Variants in CFAP100 observed in about 807,000 individuals in gnomAD.
The protein encoded by CFAP100 is cilia- and flagella-associated protein 100.
In CFAP100, 70 loss-of-function variants were observed where a neutral mutation model predicts 81.5. The ratio of observed to expected loss-of-function variants is 0.86; its 90% CI spans 0.71 to 1.05. The LOEUF (loss-of-function observed/expected upper bound fraction) is 1.05. Ranked by LOEUF, CFAP100 falls within the 50% of genes least tolerant of loss-of-function variation. The pLI is 0.00. For missense variants in CFAP100, 811 were observed against 776.5 expected, an observed-to-expected ratio of 1.04 and a Z score of -0.53; for synonymous variants, 341 against 314.8, an observed-to-expected ratio of 1.08 and a Z score of -0.88.
At chr3:126,427,502 TCTG>T (rs1933010453) in intron 13 of CFAP100, among the ~76,000 whole-genome samples, 2 of 152,234 alleles carry the variant, frequency 1.3e-5, no homozygotes, top group Non-Finnish European at 2.9e-5. Context: ...CAGTGCCGTG[TCTG>T]TATGGCTCAT....
At chr3:126,422,312 C>T (rs965726358) in intron 11 of CFAP100, among the ~76,000 whole-genome samples, 16 of 152,336 alleles carry the variant, frequency 1.1e-4, no homozygotes, top group Middle Eastern at 3.4e-3. Context: ...CAGTGTGAGG[C>T]GTGGGTCTGG....
intron 3 of CFAP100, 64 bp downstream of exon 3, chr3:126,407,316 C>T: frequency 9.5e-7 from 1 of 1,056,914 alleles, no homozygotes; most frequent in South Asian, 1.3e-5. Flanking sequence ...CCCTCTGCCC[C>T]CAGATCCCCT....
At chr3:126,402,502 G>A (rs542699434) in intron 2 of CFAP100, among the ~76,000 whole-genome samples, 2 of 152,138 alleles carry the variant, frequency 1.3e-5, no homozygotes, top group African/African-American at 4.8e-5. Context: ...GAATAGTTTC[G>A]GGGTTCTGGG....
chr3:126,414,280 G>A (rs993755966), intron 4 of CFAP100, 101 bp downstream of exon 4: 12 of 840,754 alleles, frequency 1.4e-5, no homozygotes, highest in Non-Finnish European at 2.3e-5. Context: ...ACTTTCCTCA[G>A]GTCCTTCTCA....
intron 2 of CFAP100, among the ~76,000 whole-genome samples, chr3:126,402,100 C>G (rs1261773532): frequency 1.3e-5 from 2 of 152,210 alleles, no homozygotes; most frequent in Admixed American, 1.3e-4. Flanking sequence ...GGGCGGCATC[C>G]CCAGCCACAC....
chr3:126,400,663 A>G (rs1483427581), intron 2 of CFAP100, among the ~76,000 whole-genome samples: 3 of 152,154 alleles, frequency 2.0e-5, no homozygotes, highest in Admixed American at 2.0e-4. Context: ...GAGGCAGGAG[A>G]ATGGCGTGAA....
chr3:126,401,500 T>C (rs2082982020), intron 2 of CFAP100, among the ~76,000 whole-genome samples: 1 of 144,124 alleles, frequency 6.9e-6, no homozygotes, highest in Non-Finnish European at 1.5e-5. Flanking sequence ...ATAAGTGAAG[T>C]AAACAACTAA....
chr3:126,400,674 C>G (rs920180298), intron 2 of CFAP100, among the ~76,000 whole-genome samples: 5 of 152,118 alleles, frequency 3.3e-5, no homozygotes, highest in Non-Finnish European at 7.4e-5. Context: ...ATGGCGTGAA[C>G]CCGGGAGGCG....
intron 2 of CFAP100, among the ~76,000 whole-genome samples, chr3:126,400,932 C>T (rs1401332878): frequency 6.6e-6 from 1 of 152,176 alleles, no homozygotes; most frequent in Non-Finnish European, 1.5e-5. Context: ...GTGGAAGCCG[C>T]CTGAGTATCC....
chr3:126,419,661 T>C lies in CFAP100; in HGVS notation c.756T>C (p.Thr252=). 4 of 1,613,878 alleles carry C rather than the reference T, an allele frequency of 2.5e-6. No individual in the cohort carries two copies. The highest frequency in any genetic ancestry group is 3.4e-6 in the Non-Finnish European group (4 of 1,179,978). The change falls in exon 9 of 17, where the codon ACT becomes ACC. Residue 252 remains threonine, a synonymous_variant. Coordinates refer to ENST00000352312, the MANE Select transcript of CFAP100 (RefSeq NM_182628.3). ...IKSEISRFED[T]LKHYKVYKDF... ...GTGAGATCTCCAGATTTGAAGACAC[T>C]CTGAAGCATTACAAGGTCTATAAGG...
chr3:126,399,793 T>G (rs1473265846), intron 2 of CFAP100, among the ~76,000 whole-genome samples: 2 of 152,130 alleles, frequency 1.3e-5, no homozygotes, highest in African/African-American at 4.8e-5. Flanking sequence ...GCTGGGACAT[T>G]TTAGTGAATT....
chr3:126,420,290 A>C, intron 11 of CFAP100, 61 bp downstream of exon 11: 1 of 1,597,042 alleles, frequency 6.3e-7, no homozygotes, highest in Non-Finnish European at 8.5e-7. Flanking sequence ...CCCTTGTGGC[A>C]CCCATGTGTA....
rs952442871 is a variant in CFAP100 at position 126,396,005 on chromosome 3, C to T, written c.5C>T (p.Ser2Phe). Reference protein sequence around the residue: MSEIPSTIVSKN... With the variant: MFEIPSTIVSKN... Reference sequence around the variant, plus strand: ...ACCTCTTGGGCCTCAGCCAAGATGTCTGAGATACCGTCCACTATAGTCTCC... The same window carrying T: ...ACCTCTTGGGCCTCAGCCAAGATGTTTGAGATACCGTCCACTATAGTCTCC... Residue 2 changes from serine to phenylalanine, a missense_variant, in exon 2 of 17, where the codon TCT (serine) becomes TTT (phenylalanine). Physicochemically the swap from Ser to Phe is radical, Grantham distance 155. Coordinates refer to ENST00000352312, the MANE Select transcript of CFAP100 (RefSeq NM_182628.3). 3.1e-6 allele frequency: 5 copies of T among 1,613,904 alleles called. No homozygotes were observed. The highest frequency in any genetic ancestry group is 1.7e-5 in the Admixed American group (1 of 60,030).
chr3:126,400,115 A>C (rs1362586783), intron 2 of CFAP100, among the ~76,000 whole-genome samples: 1 of 152,232 alleles, frequency 6.6e-6, no homozygotes, highest in East Asian at 1.9e-4. Context: ...ACATTTAGAA[A>C]TCTTTGACAA....
chr3:126,422,163 A>G (rs1576639661), intron 11 of CFAP100, among the ~76,000 whole-genome samples: 2 of 152,342 alleles, frequency 1.3e-5, no homozygotes, highest in East Asian at 3.9e-4. Context: ...AGTCCAGCCC[A>G]TGCCCACCAA....
chr3:126,435,809 G>A (rs1933423736), intron 16 of CFAP100, among the ~76,000 whole-genome samples, 157 bp downstream of exon 16: 1 of 152,170 alleles, frequency 6.6e-6, no homozygotes, highest in African/African-American at 2.4e-5. Context: ...GCCTCTCCCA[G>A]GACCTGCTTC....
chr3:126,426,458 A>T (rs528150195), intron 13 of CFAP100, among the ~76,000 whole-genome samples: 8 of 151,890 alleles, frequency 5.3e-5, no homozygotes, highest in Admixed American at 3.3e-4. Flanking sequence ...CTGTCTTAAA[A>T]AAAAAAAAAA....
Position 126,433,180 on chromosome 3 carries a change from C to A in CFAP100, c.1398C>A (p.Phe466Leu). 1 of 1,614,208 alleles carries A rather than the reference C, an allele frequency of 6.2e-7. No homozygotes were observed. Among genetic ancestry groups the A allele is most frequent in the Non-Finnish European group, 8.5e-7 (1 of 1,180,026 alleles). ...AGCTCAAAGCCCGAGTCTTCCACTT[C>A]GGCGAGTACAAGGGCGATCAGCAGG... ...ELELKARVFH[F>L]GEYKGDQQDK... Residue 466 changes from phenylalanine to leucine, a missense_variant, in exon 14 of 17, where the codon TTC (phenylalanine) becomes TTA (leucine). By Grantham distance (22) the Phe-to-Leu change is conservative. Transcript: ENST00000352312.
chr3:126,434,517 A>C, intron 15 of CFAP100, 136 bp downstream of exon 15: 9 of 853,808 alleles, frequency 1.1e-5, no homozygotes, highest in Non-Finnish European at 1.4e-5. Flanking sequence ...ACAAAAGCCC[A>C]TGTCTTGGGG....
Sources: gnomAD v4.1 joint callset for allele counts (sites outside exome capture counted in the v4.1 genomes callset) on GRCh38, gnomAD v4.1.1 for gene constraint, MANE v1.5 for transcripts, NCBI Gene and HGNC (gene_info 2026-07-23, HGNC 2026-07-21) for gene names.